The following PIGL variants were observed in gnomAD, a reference collection of about 807,000 sequenced individuals.
PIGL encodes N-acetylglucosaminyl-phosphatidylinositol de-N-acetylase.
Under a neutral mutation model 31.1 loss-of-function variants are expected in PIGL, and 22 were observed. The observed-to-expected ratio is 0.71, with a 90% CI of 0.51 to 1.01. PIGL has a LOEUF of 1.01. Ranked by LOEUF, PIGL falls within the 50% of genes least tolerant of loss-of-function variation. PIGL has a pLI of 0.00. For missense variants in PIGL, 302 were observed against 315.9 expected (o/e 0.96, Z 0.33); for synonymous variants, 131 against 117.4 (o/e 1.12, Z -0.75).
chr17:16,281,359 C>T (rs1490382024), intron 2 of PIGL, among the ~76,000 whole-genome samples: 1 of 152,148 alleles, frequency 6.6e-6, no homozygotes, highest in Non-Finnish European at 1.5e-5. Flanking sequence ...GCATTTTTTA[C>T]CTGCTCTAAA....
intron 6 of PIGL, among the ~76,000 whole-genome samples, chr17:16,323,470 G>C (rs938994181): frequency 2.0e-5 from 3 of 152,064 alleles, no homozygotes; most frequent in Non-Finnish European, 2.9e-5. Flanking sequence ...CTGACCTCAG[G>C]TGATCCTCCC....
intron 3 of PIGL, among the ~76,000 whole-genome samples, chr17:16,311,428 C>T (rs1263344425): frequency 2.3e-5 from 3 of 129,878 alleles, no homozygotes; most frequent in Admixed American, 8.3e-5. Context: ...AGCCACAAAC[C>T]CAATAAGTGG....
intron 2 of PIGL, among the ~76,000 whole-genome samples, chr17:16,293,263 G>A (rs1485746631): frequency 6.6e-6 from 1 of 152,190 alleles, no homozygotes; most frequent in South Asian, 2.1e-4. Flanking sequence ...AGTGGCTCAC[G>A]CCTGTAATCC....
intron 2 of PIGL, among the ~76,000 whole-genome samples, chr17:16,297,956 C>T (rs2092989566): frequency 6.6e-6 from 1 of 152,134 alleles, no homozygotes. Flanking sequence ...AGCTCTGCCT[C>T]CTGTCAGATC....
chr17:16,291,771 A>AG (rs2092961817), intron 2 of PIGL, among the ~76,000 whole-genome samples: 2 of 151,636 alleles, frequency 1.3e-5, no homozygotes, highest in Non-Finnish European at 2.9e-5. Context: ...AGGCTGAAGC[A>AG]GAAGAATCAC....
rs912238569 is a variant in PIGL at position 16,318,181 on chromosome 17, G to A, written c.660+273G>A. 4.0e-5 allele frequency among the ~76,000 whole-genome samples: 6 copies of A among 151,636 alleles called. No homozygotes were observed. In the East Asian group the frequency reaches 9.6e-4, roughly 24 times the overall value. On this transcript the variant is annotated intron_variant, in intron 6 of 6. Coordinates refer to ENST00000225609, the MANE Select transcript of PIGL (RefSeq NM_004278.4). The stretch of plus-strand genomic sequence containing the variant: ...GCAGAAAATCTTGAAAAACATAAAA[G>A]CATCAAAAAGAAAATAAAAATAAGA...
chr17:16,310,124 A>G (rs1307385309), intron 3 of PIGL, among the ~76,000 whole-genome samples: 2 of 151,980 alleles, frequency 1.3e-5, no homozygotes, highest in Admixed American at 6.6e-5. Context: ...AGAAATATAA[A>G]CATTAATCAT....
At chr17:16,234,975 T>C (rs1049318959) in intron 2 of PIGL, among the ~76,000 whole-genome samples, 2 of 152,166 alleles carry the variant, frequency 1.3e-5, no homozygotes, top group African/African-American at 4.8e-5. Flanking sequence ...CTAAACCCAC[T>C]GATTATCGAG....
chr17:16,260,188 G>A (rs1248371475), intron 2 of PIGL, among the ~76,000 whole-genome samples: 1 of 152,186 alleles, frequency 6.6e-6, no homozygotes, highest in Admixed American at 6.5e-5. Context: ...TGGTGCCATG[G>A]ACACTTGGAT....
chr17:16,261,792 T>C (rs1379946177), intron 2 of PIGL, among the ~76,000 whole-genome samples: 2 of 151,996 alleles, frequency 1.3e-5, no homozygotes, highest in Non-Finnish European at 2.9e-5. Flanking sequence ...TTTGTAGATA[T>C]GAGGTTTCAC....
At chr17:16,233,133 T>C (rs1035602333) in intron 1 of PIGL, among the ~76,000 whole-genome samples, 1 of 151,258 alleles carries the variant, frequency 6.6e-6, no homozygotes, top group African/African-American at 2.4e-5. Context: ...ATGGCCATTA[T>C]CTCCACTTAA....
chr17:16,297,640 C>G (rs1044308338), intron 2 of PIGL, among the ~76,000 whole-genome samples: 1 of 152,164 alleles, frequency 6.6e-6, no homozygotes. Context: ...GTTTTACACA[C>G]TATATTCAGC....
intron 2 of PIGL, among the ~76,000 whole-genome samples, chr17:16,280,617 C>T (rs2092912742): frequency 6.6e-6 from 1 of 152,180 alleles, no homozygotes; most frequent in Admixed American, 6.6e-5. Flanking sequence ...ATTTGTTACA[C>T]TTGATTAGCC....
chr17:16,241,642 A>G (rs957287007), intron 2 of PIGL, among the ~76,000 whole-genome samples: 2 of 152,162 alleles, frequency 1.3e-5, no homozygotes, highest in Non-Finnish European at 2.9e-5. Context: ...ACTGGGGATC[A>G]GTTAGAGGAA....
intron 1 of PIGL, among the ~76,000 whole-genome samples, chr17:16,225,346 T>C (rs2092647217): frequency 1.3e-5 from 2 of 151,912 alleles, no homozygotes; most frequent in South Asian, 2.1e-4. Flanking sequence ...CTCGGTTCCA[T>C]GTGTATTTTG....
intron 2 of PIGL, among the ~76,000 whole-genome samples, chr17:16,255,763 AAAG>A (rs1230180432): frequency 2.6e-5 from 4 of 152,190 alleles, no homozygotes; most frequent in African/African-American, 9.7e-5. Context: ...CCAAATACAC[AAAG>A]AAGTGGCTGG....
intron 6 of PIGL, among the ~76,000 whole-genome samples, chr17:16,324,173 C>T (rs897841511): frequency 6.6e-6 from 1 of 151,302 alleles, no homozygotes; most frequent in African/African-American, 2.4e-5. Flanking sequence ...CCATGTTGGT[C>T]AGGCTGGTCT....
At chr17:16,278,699 C>A (rs1337880014) in intron 2 of PIGL, among the ~76,000 whole-genome samples, 1 of 132,782 alleles carries the variant, frequency 7.5e-6, no homozygotes, top group Non-Finnish European at 1.6e-5. Flanking sequence ...AATCCTTTAA[C>A]CCTTAAATCT....
chr17:16,219,065 A>ATTTTTT (rs766541353), intron 1 of PIGL, among the ~76,000 whole-genome samples: 2 of 81,642 alleles, frequency 2.4e-5, no homozygotes, highest in African/African-American at 8.5e-5. Flanking sequence ...TTTTTTATAA[A>ATTTTTT]TTTTTTTTTT....
Sources: allele counts gnomAD v4.1 joint callset (sites outside exome capture counted in the v4.1 genomes callset), GRCh38; gene constraint gnomAD v4.1.1; transcripts MANE v1.5; gene names NCBI Gene and HGNC (gene_info 2026-07-23, HGNC 2026-07-21).